SETD7: variants seen among roughly 807,000 people sequenced by gnomAD.
SETD7 encodes the protein SET domain containing 7, histone lysine methyltransferase.
A neutral mutation model predicts 41.8 loss-of-function variants in SETD7; 16 were observed. The ratio of observed to expected loss-of-function variants is 0.38; its 90% CI spans 0.26 to 0.58. SETD7 has a LOEUF of 0.58. SETD7 is among the 20% of genes least tolerant of loss of function. The pLI, the probability that SETD7 is intolerant of heterozygous loss-of-function variation, is 0.64. For missense variants in SETD7, 346 were observed against 459.7 expected (o/e 0.75, Z 2.26); for synonymous variants, 163 against 169.7 (o/e 0.96, Z 0.31).
chr4:139,505,564 G>A (rs1009439462), downstream of SETD7, among the ~76,000 whole-genome samples: 3 of 152,042 alleles, frequency 2.0e-5, no homozygotes, highest in Admixed American at 1.3e-4. Context: ...ACTCCAGCCT[G>A]GGTGACAGAG....
intron 3 of SETD7, among the ~76,000 whole-genome samples, chr4:139,530,715 T>C (rs1259371528): frequency 6.6e-6 from 1 of 152,198 alleles, no homozygotes; most frequent in African/African-American, 2.4e-5. Context: ...ATGTTTAAAT[T>C]TCTGGTTTCA....
chr4:139,531,525 C>T (rs547408557), intron 3 of SETD7, among the ~76,000 whole-genome samples: 153 of 152,306 alleles, frequency 1.0e-3, no homozygotes, highest in African/African-American at 3.4e-3. Flanking sequence ...GCACCTCCAC[C>T]GCTTCTGATC....
At chr4:139,512,567 C>T (rs1726909832) in intron 7 of SETD7, among the ~76,000 whole-genome samples, 2 of 152,040 alleles carry the variant, frequency 1.3e-5, no homozygotes, top group African/African-American at 4.8e-5. Flanking sequence ...CCGAAGGCTC[C>T]CAATCCTGTT....
intron 2 of SETD7, among the ~76,000 whole-genome samples, chr4:139,543,631 C>T (rs1727838982): frequency 6.6e-6 from 1 of 152,050 alleles, no homozygotes; most frequent in South Asian, 2.1e-4. Context: ...ATCAACATCT[C>T]CACTGGTGTT....
At chr4:139,539,079 A>G (rs1727715790) in intron 2 of SETD7, among the ~76,000 whole-genome samples, 1 of 152,212 alleles carries the variant, frequency 6.6e-6, no homozygotes, top group Admixed American at 6.5e-5. Context: ...GTGTTTGAAT[A>G]TAGAAAACTG....
intron 4 of SETD7, 24 bp downstream of exon 4, chr4:139,529,007 C>T (rs1727406653): frequency 6.2e-7 from 1 of 1,604,816 alleles, no homozygotes; most frequent in Admixed American, 1.7e-5. Flanking sequence ...TTGGAGCAAC[C>T]CATCTGAAGC....
intron 4 of SETD7, among the ~76,000 whole-genome samples, chr4:139,524,011 C>T (rs1015240070): frequency 6.6e-6 from 1 of 152,154 alleles, no homozygotes; most frequent in African/African-American, 2.4e-5. Context: ...CTAGAAGGAA[C>T]ACTGGCTCTC....
chr4:139,553,305 A>T (rs990143155), intron 1 of SETD7, among the ~76,000 whole-genome samples: 1 of 152,240 alleles, frequency 6.6e-6, no homozygotes. Flanking sequence ...AATGAAGAAG[A>T]AAAAAGATAG....
At chr4:139,515,141 T>C (rs1005223966) in intron 7 of SETD7, among the ~76,000 whole-genome samples, 4 of 125,652 alleles carry the variant, frequency 3.2e-5, no homozygotes, top group African/African-American at 1.3e-4. Flanking sequence ...ACCTCTAGCC[T>C]GGGCAACAAG....
In SETD7 at chr4:139,509,784, T is replaced by C; in HGVS notation, c.*1879A>G. On this transcript the variant is annotated 3_prime_UTR_variant, in exon 8 of 8. Coordinates refer to ENST00000274031, the MANE Select transcript of SETD7 (RefSeq NM_030648.4). ...CAGAGTAAGAGTGACCCTATCCTGGTGCCTTTAAATCTAAAAACTATTCAG... is the reference window on the plus strand; with the variant it reads ...CAGAGTAAGAGTGACCCTATCCTGGCGCCTTTAAATCTAAAAACTATTCAG... The C allele has an allele frequency of 5.1e-6, 5 of 985,486 alleles. No homozygotes were observed. The highest frequency in any genetic ancestry group is 6.0e-6 in the Non-Finnish European group (5 of 829,956). 61.0% of individuals were successfully genotyped at this position (985,486 alleles called of 1,614,324 possible). A position where few individuals can be genotyped will look rare whatever the true frequency, so the allele number is the denominator to read the frequency against.
At chr4:139,516,474 A>C (rs1456998072) in intron 7 of SETD7, among the ~76,000 whole-genome samples, 1 of 151,446 alleles carries the variant, frequency 6.6e-6, no homozygotes, top group Non-Finnish European at 1.5e-5. Context: ...TCAAAAAAAA[A>C]AAAAAAAAAA....
chr4:139,548,085 T>C (rs1232969737), intron 1 of SETD7: 2 of 152,204 alleles, frequency 1.3e-5, no homozygotes, highest in Non-Finnish European at 2.9e-5. Flanking sequence ...ATGAAGGCAG[T>C]AGTTATTCTA....
Position 139,523,400 on chromosome 4 carries a change from A to G in SETD7, c.598T>C (p.Cys200Arg). Residue 200 changes from cysteine (C) to arginine (R), a missense_variant, in exon 5 of 8, where the codon TGC becomes CGC. Cys to Arg is a radical substitution (Grantham distance 180). Around this residue, in one of 3 missense-constraint regions of SETD7, gnomAD observed 266 missense variants for 377.0 expected, o/e 0.71. Transcript: ENST00000274031. The stretch of plus-strand genomic sequence containing the variant: ...GGAAGAAGAGCATTGGTAGAAATGC[A>G]AGATGAAGTCGACTTATCAAAGTGG... ...VYHFDKSTSS[C>R]ISTNALLPDP... The G allele has an allele frequency of 6.2e-7, 1 of 1,613,772 alleles. No individual in the cohort carries two copies. Among genetic ancestry groups the G allele is most frequent in the Non-Finnish European group, 8.5e-7 (1 of 1,179,706 alleles).
intron 2 of SETD7, among the ~76,000 whole-genome samples, chr4:139,545,608 A>G (rs1300417627): frequency 1.3e-5 from 2 of 152,206 alleles, no homozygotes; most frequent in African/African-American, 4.8e-5. Context: ...AAATTTTACA[A>G]AAGTCATTTA....
At chr4:139,538,369 G>A (rs1021223293) in intron 2 of SETD7, among the ~76,000 whole-genome samples, 4 of 151,898 alleles carry the variant, frequency 2.6e-5, no homozygotes, top group East Asian at 3.9e-4. Context: ...TCTTGCTGTC[G>A]CCTAGGCTGG....
Position 139,553,525 on chromosome 4 carries a change from T to C in SETD7, c.40+2573A>G, listed in dbSNP as rs145032673. Among the ~76,000 whole-genome samples, 1,055 of 152,310 alleles carry C rather than the reference T, an allele frequency of 6.9e-3. 4 individuals are homozygous for C. The highest frequency in any genetic ancestry group is 0.012 in the Admixed American group (181 of 15,306). On this transcript the variant is annotated intron_variant, in intron 1 of 7. Transcript: ENST00000274031. ...AATGTAGGAAGACAGTTTGGTCTGG[T>C]GGAGGGCTGTTTTGGAAGTCCAAGC... is the stretch of plus-strand genomic sequence containing the variant.
intron 4 of SETD7, among the ~76,000 whole-genome samples, chr4:139,525,966 C>G (rs1357789812): frequency 1.3e-5 from 2 of 152,146 alleles, no homozygotes; most frequent in Non-Finnish European, 1.5e-5. Context: ...GCCAATAAAT[C>G]CCCCCTTTCT....
At chr4:139,553,109 C>A (rs1055204773) in intron 1 of SETD7, among the ~76,000 whole-genome samples, 4 of 152,196 alleles carry the variant, frequency 2.6e-5, no homozygotes, top group Non-Finnish European at 4.4e-5. Context: ...ACAGCCAACA[C>A]AGTACACAGA....
chr4:139,504,279 A>C (rs1340677891), downstream of SETD7, among the ~76,000 whole-genome samples: 1 of 152,236 alleles, frequency 6.6e-6, no homozygotes, highest in African/African-American at 2.4e-5. Context: ...TCTAAATTCA[A>C]AACCCTGGCT....
Sources: allele counts gnomAD v4.1 joint callset (sites outside exome capture counted in the v4.1 genomes callset), GRCh38; gene constraint gnomAD v4.1.1; regional missense constraint gnomAD v4.1.1; transcripts MANE v1.5; gene names NCBI Gene and HGNC (gene_info 2026-07-23, HGNC 2026-07-21).